ROBO1: variants seen among roughly 807,000 people sequenced by gnomAD.
The protein encoded by ROBO1 is roundabout guidance receptor 1.
ROBO1 carries 149 observed loss-of-function variants against 195.9 expected under a neutral mutation model. The ratio of observed to expected loss-of-function variants is 0.76; its 90% CI spans 0.67 to 0.87. The LOEUF (loss-of-function observed/expected upper bound fraction) is 0.87, where lower values mean the gene tolerates loss of function less well. Ranked by LOEUF, ROBO1 falls within the 40% of genes least tolerant of loss-of-function variation. The pLI is 0.00. For synonymous variants in ROBO1, 816 were observed against 733.2 expected (o/e 1.11, Z -1.82); for missense variants, 1,933 against 2,068.3 (o/e 0.93, Z 1.27).
chr3:79,574,444 A>C (rs1481439222), intron 2 of ROBO1, among the ~76,000 whole-genome samples: 1 of 151,920 alleles, frequency 6.6e-6, no homozygotes, highest in East Asian at 1.9e-4. Flanking sequence ...ATACTATAAA[A>C]TTTTATTTTT....
intron 3 of ROBO1, among the ~76,000 whole-genome samples, chr3:79,056,288 T>G (rs550472117): frequency 6.6e-6 from 1 of 152,116 alleles, no homozygotes; most frequent in African/African-American, 2.4e-5. Flanking sequence ...GTTGGACAAG[T>G]GCTTTCACCA....
intron 4 of ROBO1, among the ~76,000 whole-genome samples, chr3:78,789,426 G>A (rs777784805): frequency 5.3e-5 from 8 of 152,038 alleles, no homozygotes; most frequent in Non-Finnish European, 1.0e-4. Flanking sequence ...TCAGCACTTT[G>A]GAATAAAGAA....
At chr3:79,569,138 A>G (rs1357895104) in intron 2 of ROBO1, among the ~76,000 whole-genome samples, 1 of 152,094 alleles carries the variant, frequency 6.6e-6, no homozygotes, top group African/African-American at 2.4e-5. Flanking sequence ...ACACACACAC[A>G]CACACACACG....
At chr3:79,176,145 G>A (rs900599701) in intron 2 of ROBO1, among the ~76,000 whole-genome samples, 2 of 152,072 alleles carry the variant, frequency 1.3e-5, no homozygotes, top group African/African-American at 2.4e-5. Context: ...GCTATGGAGT[G>A]TCAAAAAAGT....
chr3:79,164,895 G>A (rs894818152), intron 2 of ROBO1, among the ~76,000 whole-genome samples: 1 of 152,072 alleles, frequency 6.6e-6, no homozygotes, highest in Non-Finnish European at 1.5e-5. Context: ...TGAATCCTCT[G>A]CATTTTTCTC....
intron 2 of ROBO1, among the ~76,000 whole-genome samples, chr3:79,522,147 G>T (rs915179486): frequency 1.3e-5 from 2 of 152,050 alleles, no homozygotes; most frequent in African/African-American, 4.8e-5. Context: ...TTTGATAATT[G>T]TTTTGGTATA....
rs574170391 is a variant in ROBO1, at chr3:79,015,330, G to C, written c.173-76403C>G. 3.3e-5 allele frequency among the ~76,000 whole-genome samples: 5 copies of C among 151,720 alleles called. No individual in the cohort carries two copies. In the East Asian group the frequency reaches 7.8e-4, roughly 24 times the overall value. On this transcript the variant is annotated intron_variant, in intron 3 of 30. Coordinates refer to ENST00000464233, the MANE Select transcript of ROBO1 (RefSeq NM_002941.4). ...AGAGACCAGACAATTGGCTCAAATA[G>C]TGAAACTTATTTAAAAAAGTTCCTC...
At chr3:79,276,065 T>G (rs745633160) in intron 2 of ROBO1, among the ~76,000 whole-genome samples, 8 of 152,004 alleles carry the variant, frequency 5.3e-5, no homozygotes, top group African/African-American at 1.7e-4. Flanking sequence ...AATCTACAGA[T>G]TCAATGCAAT....
chr3:78,811,826 C>T (rs142425890), intron 4 of ROBO1, among the ~76,000 whole-genome samples: 49 of 152,206 alleles, frequency 3.2e-4, no homozygotes, highest in Admixed American at 5.2e-4. Flanking sequence ...CTCTCTATCT[C>T]GTTTCTTCCC....
intron 3 of ROBO1, among the ~76,000 whole-genome samples, chr3:78,988,478 GCA>G (rs2077163495): frequency 6.6e-6 from 1 of 152,054 alleles, no homozygotes; most frequent in Admixed American, 6.6e-5. Flanking sequence ...CCCTTAGAAG[GCA>G]CACTACATTA....
intron 1 of ROBO1, among the ~76,000 whole-genome samples, chr3:79,698,173 C>CA (rs1947502766): frequency 6.6e-6 from 1 of 151,268 alleles, no homozygotes; most frequent in African/African-American, 2.4e-5. Flanking sequence ...TGATGTGGCA[C>CA]AAAATATTCA....
chr3:79,714,782 G>A (rs930880919), intron 1 of ROBO1, among the ~76,000 whole-genome samples: 4 of 149,494 alleles, frequency 2.7e-5, no homozygotes, highest in Non-Finnish European at 5.9e-5. Flanking sequence ...CTCACTCATA[G>A]GTGGGAATTG....
At position 79,019,512 on chromosome 3, in the gene ROBO1, C is replaced by T. The variant is rs2078052744; in HGVS notation, c.173-80585G>A. 7 of 986,026 alleles carry T rather than the reference C, an allele frequency of 7.1e-6. No homozygotes were observed. The African/African-American group carries it at 1.2e-4, about 17-fold the overall frequency. The allele number at this position is 986,026 out of a possible 1,614,324, so 61.1% of individuals were successfully genotyped here. A position where few individuals can be genotyped will look rare whatever the true frequency, so the allele number is the denominator to read the frequency against. On this transcript the variant is annotated intron_variant, in intron 3 of 30. Transcript: ENST00000464233. ...CGGCTCCCAGTTCCCTCCCTCTCCT[C>T]CCCGGCCCGATAATACTTAAAGGGG...
chr3:79,136,213 G>A (rs1189180884), intron 2 of ROBO1, among the ~76,000 whole-genome samples: 2 of 152,028 alleles, frequency 1.3e-5, no homozygotes, highest in African/African-American at 4.8e-5. Flanking sequence ...AAGCCTGTTG[G>A]TTTAAATTCA....
chr3:79,014,407 A>G, intron 3 of ROBO1, among the ~76,000 whole-genome samples: 1 of 152,198 alleles, frequency 6.6e-6, no homozygotes, highest in East Asian at 1.9e-4. Context: ...CAGGAGGCAG[A>G]GGTTGCAGTG....
At chr3:79,116,649 T>C (rs1039080038) in intron 3 of ROBO1, among the ~76,000 whole-genome samples, 2 of 151,302 alleles carry the variant, frequency 1.3e-5, no homozygotes, top group Non-Finnish European at 3.0e-5. Context: ...TCTCAAGTAG[T>C]TGGGATTACA....
At chr3:78,813,108 A>C (rs965673084) in intron 4 of ROBO1, among the ~76,000 whole-genome samples, 2 of 152,100 alleles carry the variant, frequency 1.3e-5, no homozygotes, top group African/African-American at 4.8e-5. Context: ...AAACTAAAAA[A>C]CACATACAGA....
chr3:79,269,886 G>A (rs1009687061), intron 2 of ROBO1, among the ~76,000 whole-genome samples: 2 of 151,632 alleles, frequency 1.3e-5, no homozygotes, highest in East Asian at 1.9e-4. Context: ...CAAATACTTC[G>A]GTGTACCATC....
At chr3:79,765,378 C>T (rs1297937888) in intron 1 of ROBO1, among the ~76,000 whole-genome samples, 1 of 152,104 alleles carries the variant, frequency 6.6e-6, no homozygotes, top group Non-Finnish European at 1.5e-5. Flanking sequence ...GCTGCTTCCT[C>T]TTCCTTTTTT....
Sources: allele counts gnomAD v4.1 joint callset (sites outside exome capture counted in the v4.1 genomes callset), GRCh38; gene constraint gnomAD v4.1.1; transcripts MANE v1.5; gene names NCBI Gene and HGNC (gene_info 2026-07-23, HGNC 2026-07-21).